ABCD3: variants seen among roughly 807,000 people sequenced by gnomAD.
ABCD3 encodes the protein ATP binding cassette subfamily D member 3.
Under a neutral mutation model 105.5 loss-of-function variants are expected in ABCD3, and 41 were observed. The observed-to-expected ratio is 0.39, with a 90% CI of 0.30 to 0.50. ABCD3 has a LOEUF of 0.50. Among genes scored for constraint, ABCD3 ranks in the 20% least tolerant of loss-of-function variants. The pLI, the probability that ABCD3 is intolerant of heterozygous loss-of-function variation, is 0.84. For synonymous variants in ABCD3, 258 were observed against 269.0 expected (o/e 0.96, Z 0.40); for missense variants, 622 against 806.3 (o/e 0.77, Z 2.77).
chr1:94,431,136 G>A (rs1034782395), intron 1 of ABCD3, among the ~76,000 whole-genome samples: 2 of 152,138 alleles, frequency 1.3e-5, no homozygotes. Flanking sequence ...ATATCAGCTT[G>A]CATGAAAGTC....
At chr1:94,474,859 G>A (rs1648656280) in intron 5 of ABCD3, among the ~76,000 whole-genome samples, 2 of 151,860 alleles carry the variant, frequency 1.3e-5, no homozygotes. Context: ...CTAGAAAGGG[G>A]ATATATTTGA....
chr1:94,492,137 A>G (rs895782811), intron 16 of ABCD3, among the ~76,000 whole-genome samples: 2 of 152,196 alleles, frequency 1.3e-5, no homozygotes, highest in African/African-American at 4.8e-5. Context: ...TTAAAATTAA[A>G]TAGCCACATG....
Position 94,429,458 on chromosome 1 carries a change from C to T in ABCD3, c.110+10870C>T, listed in dbSNP as rs1008991650. 2.0e-5 allele frequency among the ~76,000 whole-genome samples: 3 copies of T among 152,314 alleles called. No homozygotes were observed. In the East Asian group the frequency reaches 5.8e-4, roughly 29 times the overall value. On this transcript the variant is annotated intron_variant, in intron 1 of 22. Coordinates refer to ENST00000370214, the MANE Select transcript of ABCD3 (RefSeq NM_002858.4). The stretch of plus-strand genomic sequence containing the variant: ...ACCTTTGTGGCAGCCGCTCCCATCA[C>T]AGACCTGGAGGTTTAGGAGGAAAAA...
intron 21 of ABCD3, among the ~76,000 whole-genome samples, chr1:94,508,941 T>C (rs1233619091): frequency 6.6e-6 from 1 of 152,156 alleles, no homozygotes; most frequent in Non-Finnish European, 1.5e-5. Flanking sequence ...ACAGGGACAA[T>C]TTGACTTCCT....
At chr1:94,455,787 T>C (rs1161891762) in intron 1 of ABCD3, 1 of 1,246,302 alleles carries the variant, frequency 8.0e-7, no homozygotes, top group East Asian at 5.6e-5. Flanking sequence ...GAGAGCTGAC[T>C]GATCATGTGA....
At chr1:94,505,112 T>C (rs1308407262) in intron 20 of ABCD3, among the ~76,000 whole-genome samples, 1 of 152,216 alleles carries the variant, frequency 6.6e-6, no homozygotes, top group Non-Finnish European at 1.5e-5. Flanking sequence ...ATTTGAGTTT[T>C]AGACTTTTAA....
intron 21 of ABCD3, among the ~76,000 whole-genome samples, chr1:94,508,702 C>T (rs1012049933): frequency 1.3e-4 from 20 of 151,332 alleles, no homozygotes; most frequent in African/African-American, 4.8e-4. Context: ...TGAAGAGGTC[C>T]TTCACATCCC....
the ABCD3 span, among the ~76,000 whole-genome samples, chr1:94,388,462 C>T: frequency 6.6e-6 from 1 of 152,146 alleles, no homozygotes; most frequent in African/African-American, 2.4e-5. Context: ...CAACATGCTA[C>T]AAGTGGCTAA....
At chr1:94,484,152 G>A (rs1649167371) in intron 10 of ABCD3, among the ~76,000 whole-genome samples, 1 of 152,216 alleles carries the variant, frequency 6.6e-6, no homozygotes, top group African/African-American at 2.4e-5. Flanking sequence ...GTGCTGGAGA[G>A]GATGTGGAGA....
At chr1:94,396,979 T>C in the ABCD3 span, among the ~76,000 whole-genome samples, 1 of 152,216 alleles carries the variant, frequency 6.6e-6, no homozygotes, top group African/African-American at 2.4e-5. Flanking sequence ...TTTCTTTATA[T>C]TTAAATTTTT....
At chr1:94,433,712 T>G (rs908662944) in intron 1 of ABCD3, among the ~76,000 whole-genome samples, 1 of 151,026 alleles carries the variant, frequency 6.6e-6, no homozygotes, top group Non-Finnish European at 1.5e-5. Context: ...AGCAGCATAG[T>G]CTTGGCTTAC....
At chr1:94,511,303 A>G (rs1650659790) in intron 21 of ABCD3, among the ~76,000 whole-genome samples, 1 of 152,056 alleles carries the variant, frequency 6.6e-6, no homozygotes, top group Non-Finnish European at 1.5e-5. Flanking sequence ...TTTCTTTAAG[A>G]ATGTTGAATA....
chr1:94,491,011 T>G (rs1465123094), intron 15 of ABCD3, among the ~76,000 whole-genome samples, 173 bp from the exon 16 acceptor site: 4 of 152,094 alleles, frequency 2.6e-5, no homozygotes, highest in Non-Finnish European at 5.9e-5. Flanking sequence ...TCCTGATGAC[T>G]GAGATGTTGA....
the ABCD3 span, among the ~76,000 whole-genome samples, chr1:94,407,280 A>G: frequency 1.3e-5 from 2 of 152,084 alleles, no homozygotes; most frequent in Admixed American, 6.5e-5. Flanking sequence ...CCTCCCGAGT[A>G]GCTGGAATTA....
At chr1:94,491,103 T>C (rs1048120560) in intron 15 of ABCD3, 81 bp from the exon 16 acceptor site, 31 of 983,462 alleles carry the variant, frequency 3.2e-5, no homozygotes, top group Middle Eastern at 2.9e-4. Flanking sequence ...TTTAATCAGG[T>C]TATTTGTATT....
At chr1:94,428,509 G>A (rs947574823) in intron 1 of ABCD3, among the ~76,000 whole-genome samples, 6 of 152,214 alleles carry the variant, frequency 3.9e-5, no homozygotes, top group Non-Finnish European at 2.9e-5. Flanking sequence ...AATGTATGAA[G>A]TAAGCAATGT....
chr1:94,388,139 A>G, the ABCD3 span, among the ~76,000 whole-genome samples: 2 of 152,206 alleles, frequency 1.3e-5, no homozygotes, highest in South Asian at 4.1e-4. Flanking sequence ...GTACAAGTAA[A>G]ATTATTTCAA....
rs745594369 is a variant in ABCD3, at chr1:94,464,828, C to T, written c.201C>T (p.Leu67=). The T allele has an allele frequency of 6.8e-6, 11 of 1,613,658 alleles. No individual in the cohort carries two copies. Among genetic ancestry groups the T allele is most frequent in the Admixed American group, 1.7e-5 (1 of 59,944 alleles). Residue 67 remains leucine (L), a synonymous_variant, in exon 3 of 23, where the codon CTC becomes CTT. Coordinates refer to ENST00000370214, the MANE Select transcript of ABCD3 (RefSeq NM_002858.4). ...AVVDKVFFSR[L]IQILKIMVPR... is the part of the protein sequence containing the mutation. ...TGGACAAGGTGTTTTTCTCAAGGCT[C>T]ATACAGATTCTGAAAATCATGGTCC...
At chr1:94,514,458 A>T (rs553219253) in intron 21 of ABCD3, 1 of 151,932 alleles carries the variant, frequency 6.6e-6, no homozygotes, top group South Asian at 2.1e-4. Context: ...TTTTTTTGAA[A>T]ATCTGAAGTA....
Sources: gnomAD v4.1 joint callset for allele counts (sites outside exome capture counted in the v4.1 genomes callset) on GRCh38, gnomAD v4.1.1 for gene constraint, MANE v1.5 for transcripts, NCBI Gene and HGNC (gene_info 2026-07-23, HGNC 2026-07-21) for gene names.